Variants in NEDD9 observed in about 807,000 individuals in gnomAD.
NEDD9 encodes the protein enhancer of filamentation 1.
In NEDD9, 26 loss-of-function variants were observed where a neutral mutation model predicts 76.6. The observed-to-expected ratio is 0.34, with a 90% CI of 0.25 to 0.47. The LOEUF (loss-of-function observed/expected upper bound fraction) is 0.47. Ranked by LOEUF, NEDD9 falls within the 20% of genes least tolerant of loss-of-function variation. NEDD9 has a pLI of 1.00. For missense variants in NEDD9, 937 were observed against 1,058.5 expected (o/e 0.89, Z 1.59); for synonymous variants, 392 against 414.2 (o/e 0.95, Z 0.65).
At chr6:11,374,000 A>G (rs1762927884) in intron 1 of NEDD9, among the ~76,000 whole-genome samples, 1 of 151,930 alleles carries the variant, frequency 6.6e-6, no homozygotes. Flanking sequence ...CTGATTTTGG[A>G]CTTGCCAGTC....
rs34680497 is a variant in NEDD9, at chr6:11,270,367, C to CT, written c.12+35624dup. 5.7e-3 allele frequency among the ~76,000 whole-genome samples: 792 copies of CT among 139,876 alleles called. 7 individuals are homozygous for CT. The highest frequency in any genetic ancestry group is 9.2e-3 in the African/African-American group (353 of 38,166). 91.8% of individuals were successfully genotyped at this position (139,876 alleles called of 152,430 possible). ...TGTGGTTTCTCTCCCTCCCCTCAAC[C>CT]TTTTTTTTTTTTTTTTTTAAATGTT... On this transcript the variant is annotated intron_variant, in intron 3 of 3. Coordinates refer to the NEDD9 transcript ENST00000397378.
chr6:11,336,000 C>G (rs894605097), intron 1 of NEDD9, among the ~76,000 whole-genome samples: 17 of 152,184 alleles, frequency 1.1e-4, no homozygotes, highest in Non-Finnish European at 2.4e-4. Context: ...TGTCTCCATT[C>G]CTGGTAACCA....
At chr6:11,296,428 C>T (rs1760885794) in intron 3 of NEDD9, among the ~76,000 whole-genome samples, 1 of 152,154 alleles carries the variant, frequency 6.6e-6, no homozygotes, top group Admixed American at 6.5e-5. Context: ...ATATTCCCTA[C>T]AATAGGTCAG....
upstream of NEDD9, chr6:11,232,756 A>G (rs1759522498): frequency 1.5e-6 from 2 of 1,365,728 alleles, no homozygotes; most frequent in Non-Finnish European, 1.9e-6. Flanking sequence ...GGTAATGCTC[A>G]GGCCCTGCCC....
intron 3 of NEDD9, among the ~76,000 whole-genome samples, chr6:11,302,424 T>A (rs1217429634): frequency 1.3e-5 from 2 of 152,196 alleles, no homozygotes; most frequent in Non-Finnish European, 2.9e-5. Flanking sequence ...CACAGCTGAA[T>A]TCTACCAGAG....
rs144827573 is a variant in NEDD9, at chr6:11,219,503, C to G, written c.13-5776G>C. 9.3e-3 allele frequency among the ~76,000 whole-genome samples: 1,416 copies of G among 152,346 alleles called. 13 individuals carry two copies. Among genetic ancestry groups the G allele is most frequent in the African/African-American group, 0.032 (1,334 of 41,576 alleles). On this transcript the variant is annotated intron_variant, in intron 1 of 6. Coordinates refer to ENST00000379446, the MANE Select transcript of NEDD9 (RefSeq NM_006403.4). The stretch of plus-strand genomic sequence containing the variant: ...ATGACATGATTTTCCTGTACCCAAT[C>G]CCCCAAAACTTTAGCCTGGACTCTT...
At chr6:11,233,228 T>G (rs1759533755), upstream of NEDD9, 1 of 519,008 alleles carries the variant, frequency 1.9e-6, no homozygotes, top group African/African-American at 1.9e-5. Flanking sequence ...TTTGTTCTTT[T>G]CAACGTTCAA....
chr6:11,353,749 A>G lies in NEDD9; in HGVS notation c.-213-19188T>C, dbSNP rs1004242669. On this transcript the variant is annotated intron_variant, in intron 1 of 3. Transcript: ENST00000397378. ...TTTAACGTGGAAAACCTGGTGACTC[A>G]AATTAGAGATGTATTACATGATTAT... 3.9e-5 allele frequency among the ~76,000 whole-genome samples: 6 copies of G among 152,240 alleles called. No homozygotes were observed. The East Asian group carries it at 1.2e-3, about 29-fold the overall frequency.
At chr6:11,186,703 C>T (rs71548530) in intron 6 of NEDD9, among the ~76,000 whole-genome samples, 20,906 of 152,140 alleles carry the variant, frequency 0.14, 1,867 homozygotes, top group Non-Finnish European at 0.19. Flanking sequence ...CTGCAAGCTC[C>T]GCCTCCCAGG....
At chr6:11,210,977 C>A (rs1291883296) in intron 2 of NEDD9, among the ~76,000 whole-genome samples, 1 of 152,192 alleles carries the variant, frequency 6.6e-6, no homozygotes, top group Non-Finnish European at 1.5e-5. Flanking sequence ...CCCTCCCCAT[C>A]CTGGCCATGT....
intron 1 of NEDD9, among the ~76,000 whole-genome samples, chr6:11,362,634 A>G (rs1299239593): frequency 1.3e-5 from 2 of 152,152 alleles, no homozygotes; most frequent in Non-Finnish European, 2.9e-5. Flanking sequence ...CCAAAGGGAG[A>G]TATTTGTGTA....
At chr6:11,268,564 C>T (rs1760242655) in intron 3 of NEDD9, among the ~76,000 whole-genome samples, 1 of 152,036 alleles carries the variant, frequency 6.6e-6, no homozygotes, top group African/African-American at 2.4e-5. Flanking sequence ...CCTGTCTCTA[C>T]TAAAAATACA....
In NEDD9 at chr6:11,336,946, C is replaced by T. The variant is rs970369439; in HGVS notation, c.-213-2385G>A. Among the ~76,000 whole-genome samples the T allele has an allele frequency of 3.9e-5, 6 of 152,170 alleles. No individual in the cohort carries two copies. In the East Asian group the frequency reaches 5.8e-4, roughly 15 times the overall value. On this transcript the variant is annotated intron_variant, in intron 1 of 3. Transcript: ENST00000397378. ...CTCCTAGAATGCCTTCTTGGCTGGG[C>T]GCGGTGGCTCACACCTGTAATCTCA...
intron 1 of NEDD9, among the ~76,000 whole-genome samples, chr6:11,337,034 T>C (rs1386243729): frequency 3.9e-5 from 6 of 152,070 alleles, no homozygotes; most frequent in Non-Finnish European, 8.8e-5. Flanking sequence ...GCATGGCCAA[T>C]AGTTGAAACC....
chr6:11,359,965 A>G (rs1462198362), intron 1 of NEDD9, among the ~76,000 whole-genome samples: 1 of 152,254 alleles, frequency 6.6e-6, no homozygotes, highest in East Asian at 1.9e-4. Flanking sequence ...ATCTTCTGAA[A>G]TTTCTGCCTA....
intron 3 of NEDD9, among the ~76,000 whole-genome samples, chr6:11,266,305 A>G (rs765129130): frequency 7.2e-5 from 11 of 152,020 alleles, no homozygotes; most frequent in Non-Finnish European, 1.0e-4. Flanking sequence ...TTGGATTGTC[A>G]AACTTGGGTG....
chr6:11,316,293 G>C (rs1039938198), intron 2 of NEDD9, among the ~76,000 whole-genome samples: 1 of 152,212 alleles, frequency 6.6e-6, no homozygotes, highest in Admixed American at 6.5e-5. Context: ...TTTGAGGAAA[G>C]TCAGGATCTA....
At chr6:11,296,551 G>C (rs1226660144) in intron 3 of NEDD9, among the ~76,000 whole-genome samples, 1 of 152,196 alleles carries the variant, frequency 6.6e-6, no homozygotes, top group African/African-American at 2.4e-5. Flanking sequence ...ACACGGTGTG[G>C]ATAAGTACCT....
intron 2 of NEDD9, among the ~76,000 whole-genome samples, chr6:11,325,354 C>CAA (rs34414648): frequency 1.4e-3 from 132 of 92,654 alleles, no homozygotes; most frequent in South Asian, 2.6e-3. Context: ...GACTCTGTCT[C>CAA]AAAAAAAAAA....
Sources: gnomAD v4.1 joint callset for allele counts (sites outside exome capture counted in the v4.1 genomes callset) on GRCh38, gnomAD v4.1.1 for gene constraint, MANE v1.5 for transcripts, NCBI Gene and HGNC (gene_info 2026-07-23, HGNC 2026-07-21) for gene names.